EYA2: variants seen among roughly 807,000 people sequenced by gnomAD.
EYA2 encodes protein phosphatase EYA2.
A neutral mutation model predicts 69.2 loss-of-function variants in EYA2; 31 were observed. The ratio of observed to expected loss-of-function variants is 0.45; its 90% CI spans 0.34 to 0.60. The LOEUF is 0.60. EYA2 is among the 20% of genes least tolerant of loss of function. The pLI, the probability that EYA2 is intolerant of heterozygous loss-of-function variation, is 0.02. For synonymous variants in EYA2, 257 were observed against 279.4 expected, an observed-to-expected ratio of 0.92 and a Z score of 0.80; for missense variants, 622 against 701.2, an observed-to-expected ratio of 0.89 and a Z score of 1.28.
chr20:47,155,586 G>A (rs747350023), intron 10 of EYA2, among the ~76,000 whole-genome samples: 4 of 151,910 alleles, frequency 2.6e-5, no homozygotes, highest in Admixed American at 6.5e-5. Flanking sequence ...TCACTTGTGC[G>A]ACAGCTGACG....
intron 9 of EYA2, among the ~76,000 whole-genome samples, chr20:47,130,571 G>T (rs2033319066): frequency 2.0e-5 from 3 of 151,950 alleles, no homozygotes; most frequent in Admixed American, 1.3e-4. Context: ...GGCCGAGAAG[G>T]TTTATTTTCT....
At chr20:46,977,195 T>A (rs577525894) in intron 1 of EYA2, among the ~76,000 whole-genome samples, 1 of 152,382 alleles carries the variant, frequency 6.6e-6, no homozygotes. Context: ...GTTTATAAGC[T>A]ATTTATCCTA....
intron 1 of EYA2, among the ~76,000 whole-genome samples, chr20:46,915,530 A>T (rs572541021): frequency 6.6e-6 from 1 of 152,276 alleles, no homozygotes; most frequent in South Asian, 2.1e-4. Flanking sequence ...AGCCTTGGTG[A>T]TACCCCCAGA....
chr20:46,934,884 G>C (rs768554785), intron 1 of EYA2, among the ~76,000 whole-genome samples: 6 of 152,206 alleles, frequency 3.9e-5, no homozygotes, highest in Non-Finnish European at 8.8e-5. Context: ...TGAAATCCTT[G>C]AATGTCAAGT....
At chr20:47,104,962 A>G (rs2032532136) in intron 9 of EYA2, among the ~76,000 whole-genome samples, 2 of 152,224 alleles carry the variant, frequency 1.3e-5, no homozygotes, top group African/African-American at 4.8e-5. Context: ...TGGAGGCTGC[A>G]GTGAACCAAG....
intron 7 of EYA2, among the ~76,000 whole-genome samples, chr20:47,076,419 A>C (rs1018631793): frequency 2.0e-5 from 3 of 152,180 alleles, no homozygotes; most frequent in African/African-American, 7.2e-5. Flanking sequence ...GTGAGATGGT[A>C]TATCATTGTG....
chr20:47,141,864 T>C (rs1281127397), intron 9 of EYA2, among the ~76,000 whole-genome samples: 2 of 152,208 alleles, frequency 1.3e-5, no homozygotes, highest in African/African-American at 2.4e-5. Flanking sequence ...CTAAGTAACA[T>C]GCGTATGTGC....
At position 47,165,260 on chromosome 20, in the gene EYA2, G is replaced by C. The variant is rs1047965280; in HGVS notation, c.979-3879G>C. Among the ~76,000 whole-genome samples, 8 of 152,276 alleles carry C rather than the reference G, an allele frequency of 5.3e-5. No homozygotes were observed. In the East Asian group the frequency reaches 7.7e-4, roughly 15 times the overall value. On this transcript the variant is annotated intron_variant, in intron 10 of 15. Coordinates refer to ENST00000327619, the MANE Select transcript of EYA2 (RefSeq NM_005244.5). ...AAAGATCACTCCTTCTTGGGGAGAGGGGGTAGATTATACCTGAGACCACCA... is the reference window on the plus strand; with the variant it reads ...AAAGATCACTCCTTCTTGGGGAGAGCGGGTAGATTATACCTGAGACCACCA...
At chr20:47,009,744 A>G (rs575069472) in intron 4 of EYA2, among the ~76,000 whole-genome samples, 21 of 152,380 alleles carry the variant, frequency 1.4e-4, no homozygotes, top group African/African-American at 5.0e-4. Flanking sequence ...AGCCATAGAC[A>G]AAGCATAAAC....
intron 7 of EYA2, among the ~76,000 whole-genome samples, chr20:47,084,360 G>A (rs982031967): frequency 6.6e-6 from 1 of 152,128 alleles, no homozygotes; most frequent in South Asian, 2.1e-4. Flanking sequence ...GGGCAACATG[G>A]GGAAACCCTG....
intron 1 of EYA2, among the ~76,000 whole-genome samples, chr20:46,974,670 A>G (rs573795027): frequency 2.6e-5 from 4 of 152,092 alleles, no homozygotes; most frequent in African/African-American, 9.6e-5. Flanking sequence ...CTTCCCTTAC[A>G]GGAAGAGTCC....
rs376105620 is a variant in EYA2 at position 46,933,819 on chromosome 20, G to A, written c.-11+38832G>A. Among the ~76,000 whole-genome samples, 7 of 152,316 alleles carry A rather than the reference G, an allele frequency of 4.6e-5. No homozygotes were observed. In the South Asian group the frequency reaches 6.2e-4, roughly 14 times the overall value. Reference sequence around the variant, plus strand: ...TTTTGCAGAAATACACAAGGTCACCGGGGCCCAGAGAGTAATGAGAGAGGC... The same window carrying A: ...TTTTGCAGAAATACACAAGGTCACCAGGGCCCAGAGAGTAATGAGAGAGGC... On this transcript the variant is annotated intron_variant, in intron 1 of 15. Transcript: ENST00000327619.
chr20:47,044,573 C>T (rs995405732), intron 5 of EYA2, among the ~76,000 whole-genome samples: 4 of 152,132 alleles, frequency 2.6e-5, no homozygotes, highest in African/African-American at 7.2e-5. Context: ...CAGGCTGGGT[C>T]TCACTAAGAA....
At chr20:47,031,647 G>A (rs1403561703) in intron 5 of EYA2, among the ~76,000 whole-genome samples, 1 of 152,180 alleles carries the variant, frequency 6.6e-6, no homozygotes, top group African/African-American at 2.4e-5. Context: ...CCAGAGCACG[G>A]CTTTGATGAC....
chr20:47,119,983 G>T lies in EYA2; in HGVS notation c.888+22815G>T, dbSNP rs139727039. Among the ~76,000 whole-genome samples the T allele has an allele frequency of 2.7e-3, 404 of 152,302 alleles. 7 individuals carry two copies. The highest frequency in any genetic ancestry group is 9.5e-3 in the African/African-American group (393 of 41,556). On this transcript the variant is annotated intron_variant, in intron 9 of 15. Coordinates refer to ENST00000327619, the MANE Select transcript of EYA2 (RefSeq NM_005244.5). ...AGCACTTTGGGAGGCCAAGGCGGGC[G>T]GATCACCTGAGGTCAGGAGTTGAGA...
At chr20:47,187,802 G>A (rs1252091814) in intron 15 of EYA2, among the ~76,000 whole-genome samples, 1 of 152,272 alleles carries the variant, frequency 6.6e-6, no homozygotes, top group East Asian at 1.9e-4. Flanking sequence ...AGGCGAGAGG[G>A]TCAAACAGCG....
intron 1 of EYA2, among the ~76,000 whole-genome samples, chr20:46,929,773 G>A (rs911560953): frequency 6.6e-6 from 1 of 151,954 alleles, no homozygotes; most frequent in African/African-American, 2.4e-5. Flanking sequence ...TTGAGAGACC[G>A]AGGTGAGAGG....
chr20:47,131,950 A>G (rs948977893), intron 9 of EYA2, among the ~76,000 whole-genome samples: 11 of 152,268 alleles, frequency 7.2e-5, no homozygotes, highest in African/African-American at 2.4e-4. Context: ...GTTTCTTTCT[A>G]AACTAAAATG....
chr20:46,986,403 G>T (rs3091682), intron 1 of EYA2, among the ~76,000 whole-genome samples: 2 of 134,850 alleles, frequency 1.5e-5, no homozygotes, highest in Admixed American at 1.6e-4. Flanking sequence ...ATAATATATA[G>T]ATCTATATAA....
Sources: gnomAD v4.1 joint callset for allele counts (sites outside exome capture counted in the v4.1 genomes callset) on GRCh38, gnomAD v4.1.1 for gene constraint, MANE v1.5 for transcripts, NCBI Gene and HGNC (gene_info 2026-07-23, HGNC 2026-07-21) for gene names.